Variants in ADAMTS13 observed in about 807,000 individuals in gnomAD.
The protein encoded by ADAMTS13 is A disintegrin and metalloproteinase with thrombospondin motifs 13.
In ADAMTS13, 110 loss-of-function variants were observed where a neutral mutation model predicts 155.1. That is an observed-to-expected ratio of 0.71 (90% confidence interval 0.61 to 0.83). The LOEUF is 0.83. ADAMTS13 is among the 40% of genes least tolerant of loss of function. The pLI is 0.00. For synonymous variants in ADAMTS13, 758 were observed against 756.4 expected (o/e 1.00, Z -0.03); for missense variants, 1,707 against 1,891.7 (o/e 0.90, Z 1.81).
intron 1 of ADAMTS13, among the ~76,000 whole-genome samples, chr9:133,415,314 G>T (rs1309927323): frequency 6.6e-6 from 1 of 151,998 alleles, no homozygotes; most frequent in East Asian, 1.9e-4. Flanking sequence ...TGAGTGGCTG[G>T]ACACCACAGA....
In ADAMTS13 at chr9:133,457,894, T is replaced by C; in HGVS notation, c.3725-16T>C. 1 of 1,613,750 alleles carries C rather than the reference T, an allele frequency of 6.2e-7. No individual in the cohort carries two copies. The highest frequency in any genetic ancestry group is 8.5e-7 in the Non-Finnish European group (1 of 1,180,010). On this transcript the variant is annotated splice_polypyrimidine_tract_variant and intron_variant, in intron 27 of 28. Transcript: ENST00000355699. ...CGGTCTGTCTGGGTTCCTATGTCCC[T>C]ATGTCCCACCTGCAGAATGTGACAT...
Position 133,425,541 on chromosome 9 carries a change from C to G in ADAMTS13, c.343C>G (p.Leu115Val). Residue 115 changes from leucine to valine, a missense_variant, in exon 4 of 29, where the codon CTT becomes GTT. Around this residue, in one of 3 missense-constraint regions of ADAMTS13, gnomAD observed 733 missense variants for 749.6 expected, o/e 0.98. Coordinates refer to ENST00000355699, the MANE Select transcript of ADAMTS13 (RefSeq NM_139027.6). The surrounding 1 kb of genome is among the most constrained non-coding windows in gnomAD (Gnocchi z 4.6). Reference protein sequence around the residue: ...LTNLNIGAELLRDPSLGAQFR... With the variant: ...LTNLNIGAELVRDPSLGAQFR... ...TGCCCTTGCACAGGGGGCAGAACTG[C>G]TTCGGGACCCGTCCCTGGGGGCTCA... 6.2e-7 allele frequency: 1 copy of G among 1,613,498 alleles called. No homozygotes were observed.
At chr9:133,415,140 T>G in intron 1 of ADAMTS13, 1 of 711,180 alleles carries the variant, frequency 1.4e-6, no homozygotes, top group Non-Finnish European at 2.3e-6. Context: ...CCCATCCGCA[T>G]CACTGAAATT....
chr9:133,455,656 A>G (rs2130944190), intron 25 of ADAMTS13: 2 of 1,587,808 alleles, frequency 1.3e-6, no homozygotes, highest in East Asian at 4.5e-5. Context: ...GGGGTGGGCA[A>G]AGGCATCTTC....
At chr9:133,455,949 G>A in intron 25 of ADAMTS13, 120 bp from the exon 26 acceptor site, 3 of 1,360,890 alleles carry the variant, frequency 2.2e-6, no homozygotes, top group Non-Finnish European at 3.1e-6. Flanking sequence ...TTCCAGCTGG[G>A]CCTTGGAGGA....
At chr9:133,432,401 G>A (rs965488575) in intron 8 of ADAMTS13, among the ~76,000 whole-genome samples, 187 bp from the exon 9 acceptor site, 3 of 152,350 alleles carry the variant, frequency 2.0e-5, no homozygotes, top group Middle Eastern at 3.4e-3. Flanking sequence ...ACAGGACCTG[G>A]TCATGGTCCC....
rs1171129182 is a variant in ADAMTS13, at chr9:133,437,830, C to A, written c.1517C>A (p.Thr506Asn). 2 of 1,613,850 alleles carry A rather than the reference C, an allele frequency of 1.2e-6. No homozygotes were observed. Among genetic ancestry groups the A allele is most frequent in the African/African-American group, 2.7e-5 (2 of 74,932 alleles). Residue 506 changes from threonine (T) to asparagine (N), a missense_variant, in exon 13 of 29, where the codon ACC becomes AAC. Coordinates refer to ENST00000355699, the MANE Select transcript of ADAMTS13 (RefSeq NM_139027.6). ...MKRGDSFLDGTRCMPSGPRED... is the reference protein window; with the variant it reads ...MKRGDSFLDGNRCMPSGPRED... ...CGTGGAGACAGCTTCCTCGATGGGACCCGGTGTATGCCAAGTGGCCCCCGG... is the reference window on the plus strand; with the variant it reads ...CGTGGAGACAGCTTCCTCGATGGGAACCGGTGTATGCCAAGTGGCCCCCGG...
Position 133,458,555 on chromosome 9 carries a change from C to CAAAAAAAAAAAAAAA in ADAMTS13, c.3910-412_3910-398dup, listed in dbSNP as rs10699153. On this transcript the variant is annotated intron_variant, in intron 28 of 28. Transcript: ENST00000355699. ...TGGGCAACAGAGTGAGACTCTGTCT[C>CAAAAAAAAAAAAAAA]AAAAAAAAAAAAAAAAAAAAAGCGA... 1.2e-4 allele frequency among the ~76,000 whole-genome samples: 7 copies of CAAAAAAAAAAAAAAA among 56,224 alleles called. 1 individual carries two copies. The highest frequency in any genetic ancestry group is 1.4e-3 in the East Asian group (2 of 1,450). 36.9% of individuals were successfully genotyped at this position (56,224 alleles called of 152,430 possible). A position where few individuals can be genotyped will look rare whatever the true frequency, so the allele number is the denominator to read the frequency against.
Position 133,456,065 on chromosome 9 carries a change from T to C in ADAMTS13, c.3401-4T>C. 1.2e-6 allele frequency: 2 copies of C among 1,613,272 alleles called. No individual in the cohort carries two copies. Among genetic ancestry groups the C allele is most frequent in the East Asian group, 2.2e-5 (1 of 44,884 alleles). Reference sequence around the variant, plus strand: ...TGCTTACCTGTCTCCTGCTCCCTTTTCAGGTGCCTGTGGCAGGCAGCACCT... The same window carrying C: ...TGCTTACCTGTCTCCTGCTCCCTTTCCAGGTGCCTGTGGCAGGCAGCACCT... On this transcript the variant is annotated splice_polypyrimidine_tract_variant and splice_region_variant and intron_variant, in intron 25 of 28. Transcript: ENST00000355699. This position sits in a 1 kb window ranked among gnomAD's most constrained non-coding sequence, Gnocchi z 4.4.
In ADAMTS13 at chr9:133,430,119, G is replaced by A; in HGVS notation, c.987+18G>A. The A allele has an allele frequency of 6.4e-7, 1 of 1,567,174 alleles. No homozygotes were observed. Among genetic ancestry groups the A allele is most frequent in the Non-Finnish European group, 8.6e-7 (1 of 1,161,432 alleles). On this transcript the variant is annotated intron_variant, in intron 8 of 28. Transcript: ENST00000355699. Reference sequence around the variant, plus strand: ...AGCACCTGGTGAGTCTGCCGGCGGTGGCCTGGGATTGGCTGTGAGGTCCCT... The same window carrying A: ...AGCACCTGGTGAGTCTGCCGGCGGTAGCCTGGGATTGGCTGTGAGGTCCCT...
chr9:133,422,127 C>G (rs1443499222), upstream of ADAMTS13: 3 of 417,648 alleles, frequency 7.2e-6, no homozygotes, highest in Non-Finnish European at 1.3e-5. Flanking sequence ...AGTGTCCCTT[C>G]TCCAGATTAG....
chr9:133,455,271 C>T lies in ADAMTS13; in HGVS notation c.3250-14C>T. 6.2e-7 allele frequency: 1 copy of T among 1,600,670 alleles called. No individual in the cohort carries two copies. Among genetic ancestry groups the T allele is most frequent in the Non-Finnish European group, 8.5e-7 (1 of 1,179,906 alleles). ...GCAGGGTCAGCTGTGACTCCTCCTC[C>T]CCTCTCTTGGCAGTGCTCTGTTTCC... On this transcript the variant is annotated splice_polypyrimidine_tract_variant and intron_variant, in intron 24 of 28. Transcript: ENST00000355699.
rs2130825735 is a variant in ADAMTS13, at chr9:133,433,546, G to T, written c.1244+17G>T. 1.2e-6 allele frequency: 2 copies of T among 1,613,634 alleles called. No homozygotes were observed. Among genetic ancestry groups the T allele is most frequent in the East Asian group, 2.2e-5 (1 of 44,884 alleles). ...CAACCCCAGGTACCGCAGGGAGGGT[G>T]CTTTTCTGTCAGGGAGTGTGGCCAT... is the stretch of plus-strand genomic sequence containing the variant. On this transcript the variant is annotated intron_variant, in intron 10 of 28. Transcript: ENST00000355699.
In ADAMTS13 at chr9:133,424,652, C is replaced by T. The variant is rs1840162431; in HGVS notation, c.330+174C>T. Among the ~76,000 whole-genome samples, 1 of 152,092 alleles carries T rather than the reference C, an allele frequency of 6.6e-6. No individual in the cohort carries two copies. Among genetic ancestry groups the T allele is most frequent in the South Asian group, 2.1e-4 (1 of 4,824 alleles). ...GGTGGAGGTGGGTGAGGTCCCACAC[C>T]CTCTCTAGGCTCCATGGCACATGCA... On this transcript the variant is annotated intron_variant, in intron 3 of 28. Transcript: ENST00000355699. This position sits in a 1 kb window ranked among gnomAD's most constrained non-coding sequence, Gnocchi z 4.3.
intron 18 of ADAMTS13, 126 bp from the exon 19 acceptor site, chr9:133,443,250 G>A (rs1015051998): frequency 3.3e-6 from 4 of 1,220,268 alleles, no homozygotes; most frequent in Non-Finnish European, 4.6e-6. Flanking sequence ...CACCTGGAGA[G>A]GCTAGGCTGG....
At chr9:133,414,641 A>G in exon 1 of ADAMTS13, 1 of 1,608,124 alleles carries the variant, frequency 6.2e-7, no homozygotes, top group African/African-American at 1.3e-5. Flanking sequence ...CTCGGTTCTC[A>G]GTGGTGAGGT....
At chr9:133,430,263 A>G (rs1028751124) in intron 8 of ADAMTS13, 162 bp downstream of exon 8, 10 of 916,976 alleles carry the variant, frequency 1.1e-5, no homozygotes, top group Non-Finnish European at 1.7e-5. Flanking sequence ...CCCTCTAGAA[A>G]TTATTTAAAA....
In ADAMTS13 at chr9:133,456,010, A is replaced by G. The variant is rs1343782244; in HGVS notation, c.3401-59A>G. ...TCCTTCCTCAGCTTGGAAGCCCCGGAGCCTGCCCTGCTGGGAATCGGGGAA... is the reference window on the plus strand; with the variant it reads ...TCCTTCCTCAGCTTGGAAGCCCCGGGGCCTGCCCTGCTGGGAATCGGGGAA... On this transcript the variant is annotated intron_variant, in intron 25 of 28. Transcript: ENST00000355699. The surrounding 1 kb of genome is among the most constrained non-coding windows in gnomAD (Gnocchi z 4.4). The G allele has an allele frequency of 3.1e-6, 5 of 1,610,326 alleles. No individual in the cohort carries two copies. Among genetic ancestry groups the G allele is most frequent in the Non-Finnish European group, 4.2e-6 (5 of 1,178,860 alleles).
At chr9:133,449,596 C>T (rs1312653134) in intron 22 of ADAMTS13, among the ~76,000 whole-genome samples, 187 bp from the exon 23 acceptor site, 8 of 152,134 alleles carry the variant, frequency 5.3e-5, no homozygotes, top group Admixed American at 5.2e-4. Context: ...TGGGTTTGTC[C>T]AAATGTTCTG....
Sources: gnomAD v4.1 joint callset for allele counts (sites outside exome capture counted in the v4.1 genomes callset) on GRCh38, gnomAD v4.1.1 for gene constraint, gnomAD v4.1.1 regional missense constraint, Gnocchi (gnomAD v3.1) non-coding constraint, MANE v1.5 for transcripts, NCBI Gene and HGNC (gene_info 2026-07-23, HGNC 2026-07-21) for gene names.